CNTN6: variants seen among roughly 807,000 people sequenced by gnomAD.
CNTN6 encodes contactin 6.
CNTN6 carries 137 observed loss-of-function variants against 122.8 expected under a neutral mutation model. The observed-to-expected ratio is 1.12, with a 90% CI of 0.97 to 1.29. CNTN6 has a LOEUF of 1.29. Among genes scored for constraint, CNTN6 ranks in the 50% most tolerant of loss-of-function variants. CNTN6 has a pLI of 0.00. For missense variants in CNTN6, 1,634 were observed against 1,223.4 expected, an observed-to-expected ratio of 1.34 and a Z score of -5.01; for synonymous variants, 570 against 426.0, an observed-to-expected ratio of 1.34 and a Z score of -4.16.
At chr3:1,276,645 C>G (rs1211648477) in intron 4 of CNTN6, among the ~76,000 whole-genome samples, 1 of 152,140 alleles carries the variant, frequency 6.6e-6, no homozygotes, top group Non-Finnish European at 1.5e-5. Flanking sequence ...ATTCTGGAAG[C>G]AGTTCTTTCC....
intron 7 of CNTN6, among the ~76,000 whole-genome samples, chr3:1,320,143 C>T (rs1483007832): frequency 2.0e-5 from 3 of 151,524 alleles, no homozygotes; most frequent in Admixed American, 6.6e-5. Flanking sequence ...TGGCAAGTGG[C>T]AAGGCTTTTT....
At chr3:1,379,928 A>G (rs532402699) in intron 17 of CNTN6, among the ~76,000 whole-genome samples, 111 of 152,276 alleles carry the variant, frequency 7.3e-4, no homozygotes, top group Non-Finnish European at 1.4e-3. Flanking sequence ...CAATTTAATG[A>G]ACTCTATTAG....
At chr3:1,105,867 G>GAAATTAAA (rs2091196774) in intron 1 of CNTN6, among the ~76,000 whole-genome samples, 2 of 152,086 alleles carry the variant, frequency 1.3e-5, no homozygotes, top group Non-Finnish European at 2.9e-5. Flanking sequence ...AAATACATCT[G>GAAATTAAA]TGCTCATTCC....
rs1559597367 is a variant in CNTN6, at chr3:1,245,300, ATATATAT to A, written c.358+17308_358+17314del. ...ACACACACATATATATATAACATAT[ATATATAT>A]ATATATATATATATATATATATATA... is the stretch of plus-strand genomic sequence containing the variant. On this transcript the variant is annotated intron_variant, in intron 4 of 22. Transcript: ENST00000446702. 3.5e-3 allele frequency among the ~76,000 whole-genome samples: 20 copies of A among 5,698 alleles called. 3 individuals are homozygous for A. The highest frequency in any genetic ancestry group is 0.012 in the African/African-American group (15 of 1,234). The allele number at this position is 5,698 out of a possible 152,430, so 3.7% of individuals were successfully genotyped here.
At chr3:1,381,274 A>C (rs770426588) in intron 17 of CNTN6, among the ~76,000 whole-genome samples, 13 of 152,226 alleles carry the variant, frequency 8.5e-5, no homozygotes, top group African/African-American at 3.1e-4. Context: ...TAACTGGTTT[A>C]CTTCTAGTCT....
intron 8 of CNTN6, among the ~76,000 whole-genome samples, chr3:1,322,352 G>A (rs1054054347): frequency 4.0e-5 from 6 of 151,532 alleles, no homozygotes; most frequent in South Asian, 4.2e-4. Context: ...AAAATCTCTC[G>A]TAAACTTAAG....
chr3:1,386,731 A>G lies in CNTN6; in HGVS notation c.2704+934A>G, dbSNP rs181464720. 6.2e-3 allele frequency among the ~76,000 whole-genome samples: 942 copies of G among 152,194 alleles called. 6 individuals are homozygous for G. The highest frequency in any genetic ancestry group is 0.011 in the Non-Finnish European group (752 of 68,030). On this transcript the variant is annotated intron_variant, in intron 20 of 22. Transcript: ENST00000446702. The stretch of plus-strand genomic sequence containing the variant: ...CTCTCTGAATCCTGATGAATGAAAG[A>G]TAACAAATATAGTTGCTGAATTTTG...
chr3:1,308,287 T>TTGTGTGTGTGTGTGTG (rs113198519), intron 7 of CNTN6, among the ~76,000 whole-genome samples: 200 of 144,912 alleles, frequency 1.4e-3, no homozygotes, highest in East Asian at 7.8e-3. Context: ...ATGGGGTGTT[T>TTGTGTGTGTGTGTGTG]TGTGTGTGTG....
Position 1,329,775 on chromosome 3 carries a change from T to G in CNTN6, c.1214-10T>G. On this transcript the variant is annotated splice_polypyrimidine_tract_variant and intron_variant, in intron 10 of 22. Transcript: ENST00000446702. ...TAATTAAACAATTTTGTCTTTGATT[T>G]TGTTTTTAGCCTCAGCTCCAGATTT... is the stretch of plus-strand genomic sequence containing the variant. 1 of 1,603,364 alleles carries G rather than the reference T, an allele frequency of 6.2e-7. No homozygotes were observed. The highest frequency in any genetic ancestry group is 1.1e-5 in the South Asian group (1 of 89,732).
At chr3:1,356,019 C>G (rs1706497190) in intron 12 of CNTN6, among the ~76,000 whole-genome samples, 1 of 151,530 alleles carries the variant, frequency 6.6e-6, no homozygotes, top group Non-Finnish European at 1.5e-5. Flanking sequence ...CAGAAGATGC[C>G]CAGTATAATT....
At chr3:1,132,328 C>G (rs1546025) in intron 1 of CNTN6, among the ~76,000 whole-genome samples, 103,256 of 151,958 alleles carry the variant, frequency 0.68, 36,126 homozygotes, top group African/African-American at 0.85. Context: ...TGCCATTGGA[C>G]TTTACGTGCA....
rs1255569140 is a variant in CNTN6 at position 1,385,711 on chromosome 3, C to G, written c.2618C>G (p.Thr873Ser). ...AACATCACGGGGCTGAAAGCTAATA[C>G]CATCTACTTTGCTTCCGTAAGAGCT... is the stretch of plus-strand genomic sequence containing the variant. ...TKNITGLKAN[T>S]IYFASVRAYN... Residue 873 changes from threonine (T) to serine (S), a missense_variant, in exon 20 of 23, where the codon ACC (threonine) becomes AGC (serine). By Grantham distance (58) the Thr-to-Ser change is moderately conservative (BLOSUM62 1). Coordinates refer to ENST00000446702, the MANE Select transcript of CNTN6 (RefSeq NM_001289080.2). The G allele has an allele frequency of 6.2e-7, 1 of 1,613,924 alleles. No homozygotes were observed. The highest frequency in any genetic ancestry group is 8.5e-7 in the Non-Finnish European group (1 of 1,179,952).
chr3:1,401,658 C>G (rs1695725382), intron 21 of CNTN6, 113 bp downstream of exon 21: 1 of 678,530 alleles, frequency 1.5e-6, no homozygotes, highest in Admixed American at 3.2e-5. Flanking sequence ...GAATCTTTTT[C>G]AAAATTATTT....
chr3:1,374,928 C>G (rs552012383), intron 16 of CNTN6, among the ~76,000 whole-genome samples: 3 of 152,018 alleles, frequency 2.0e-5, no homozygotes, highest in African/African-American at 7.2e-5. Flanking sequence ...AATTAAATCA[C>G]GCTAGAAGCT....
chr3:1,297,242 T>C lies in CNTN6; in HGVS notation c.659-647T>C, dbSNP rs538855222. On this transcript the variant is annotated intron_variant, in intron 6 of 22. Coordinates refer to ENST00000446702, the MANE Select transcript of CNTN6 (RefSeq NM_001289080.2). Reference sequence around the variant, plus strand: ...AGAAATGTATTACTCTGTCGTTTGGTACATAGATTAAAAATGATCAAAGTA... The same window carrying C: ...AGAAATGTATTACTCTGTCGTTTGGCACATAGATTAAAAATGATCAAAGTA... 1.1e-4 allele frequency among the ~76,000 whole-genome samples: 16 copies of C among 152,312 alleles called. No individual in the cohort carries two copies. In the South Asian group the frequency reaches 2.9e-3, roughly 28 times the overall value.
chr3:1,355,638 G>A (rs990133966), intron 12 of CNTN6, among the ~76,000 whole-genome samples: 1 of 151,682 alleles, frequency 6.6e-6, no homozygotes, highest in African/African-American at 2.4e-5. Context: ...TATGATTGCT[G>A]TTACAGAATC....
chr3:1,106,263 C>A (rs1445092344), intron 1 of CNTN6, among the ~76,000 whole-genome samples: 1 of 151,988 alleles, frequency 6.6e-6, no homozygotes, highest in East Asian at 1.9e-4. Flanking sequence ...AAAAACCCTC[C>A]CCAAATGTGA....
rs754839504 is a variant in CNTN6 at position 1,295,603 on chromosome 3, T to G, written c.457T>G (p.Leu153Val). The G allele has an allele frequency of 6.2e-7, 1 of 1,612,562 alleles. No homozygotes were observed. The highest frequency in any genetic ancestry group is 1.1e-5 in the South Asian group (1 of 91,022). ...TTGTTTTGTTTCTTGTTTTTCAGATTTATCTTATGCATGGACCTTCAATGA... is the reference window on the plus strand; with the variant it reads ...TTGTTTTGTTTCTTGTTTTTCAGATGTATCTTATGCATGGACCTTCAATGA... ...LCGPPPHFGD[L>V]SYAWTFNDNP... Residue 153 changes from leucine (L) to valine (V), a missense_variant and splice_region_variant, in exon 6 of 23, where the codon TTA (leucine) becomes GTA (valine). Transcript: ENST00000446702.
chr3:1,221,805 T>C (rs1016772129), intron 3 of CNTN6, among the ~76,000 whole-genome samples: 1 of 152,194 alleles, frequency 6.6e-6, no homozygotes, highest in African/African-American at 2.4e-5. Flanking sequence ...ATTAAACTTT[T>C]GTAGCTTTGG....
Sources: gnomAD v4.1 joint callset for allele counts (sites outside exome capture counted in the v4.1 genomes callset) on GRCh38, gnomAD v4.1.1 for gene constraint, MANE v1.5 for transcripts, NCBI Gene and HGNC (gene_info 2026-07-23, HGNC 2026-07-21) for gene names.